The following ALOX5AP variants were observed in gnomAD, a reference collection of about 807,000 sequenced individuals.
ALOX5AP encodes arachidonate 5-lipoxygenase-activating protein.
A neutral mutation model predicts 18.5 loss-of-function variants in ALOX5AP; 9 were observed. That is an observed-to-expected ratio of 0.49 (90% CI 0.29 to 0.85). ALOX5AP has a LOEUF of 0.85. Among genes scored for constraint, ALOX5AP ranks in the 40% least tolerant of loss-of-function variants. The probability of loss-of-function intolerance (pLI) is 0.08; values close to 1 mark genes in which losing one functional copy is unlikely to be tolerated. For synonymous variants in ALOX5AP, 81 were observed against 78.6 expected (o/e 1.03, Z -0.16); for missense variants, 172 against 202.5 (o/e 0.85, Z 0.91).
At position 30,718,167 on chromosome 13, in the gene ALOX5AP, C is replaced by T. The variant is rs188264337; in HGVS notation, c.116+4326C>T. Among the ~76,000 whole-genome samples, 367 of 151,832 alleles carry T rather than the reference C, an allele frequency of 2.4e-3. 1 individual carries two copies. Among genetic ancestry groups the T allele is most frequent in the African/African-American group, 8.4e-3 (350 of 41,444 alleles). On this transcript the variant is annotated intron_variant, in intron 1 of 5. Coordinates refer to the ALOX5AP transcript ENST00000617770. ...AGAGACAGGGTTTCTCCATGTTGGT[C>T]AGGCTGGTCTCAAACTCCTGACCTC...
chr13:30,756,174 CT>C lies in ALOX5AP; in HGVS notation c.323+151del, dbSNP rs1412384903. ...GGAAGGCTGACTAGGACCTCTGATT[CT>C]TCTTTCCCTGAGCTTTGAAGGCTCT... On this transcript the variant is annotated intron_variant, in intron 4 of 4. Transcript: ENST00000380490. The C allele has an allele frequency of 1.5e-5, 10 of 679,750 alleles. No individual in the cohort carries two copies. In the East Asian group the frequency reaches 2.5e-4, roughly 17 times the overall value. The allele number at this position is 679,750 out of a possible 1,614,324, so 42.1% of individuals were successfully genotyped here. A position where few individuals can be genotyped will look rare whatever the true frequency, so the allele number is the denominator to read the frequency against.
At position 30,735,665 on chromosome 13, in the gene ALOX5AP, G is replaced by T. The variant is rs1373878415; in HGVS notation, c.60G>T (p.Val20=). 1.9e-6 allele frequency: 3 copies of T among 1,614,022 alleles called. No individual in the cohort carries two copies. Among genetic ancestry groups the T allele is most frequent in the Non-Finnish European group, 2.5e-6 (3 of 1,180,034 alleles). The change falls in exon 1 of 5, where the codon GTG becomes GTT. Residue 20 remains valine, a synonymous_variant. Coordinates refer to ENST00000380490, the MANE Select transcript of ALOX5AP (RefSeq NM_001629.4). ...TGGCCATCGTCACCCTCATCAGCGTGGTCCAGAATGGTAAGGAAAGCCCTT... is the reference window on the plus strand; with the variant it reads ...TGGCCATCGTCACCCTCATCAGCGTTGTCCAGAATGGTAAGGAAAGCCCTT... ...VLLAIVTLIS[V]VQNGFFAHKV...
chr13:30,723,957 C>A (rs191360997), intron 1 of ALOX5AP, among the ~76,000 whole-genome samples: 1 of 152,154 alleles, frequency 6.6e-6, no homozygotes, highest in Non-Finnish European at 1.5e-5. Context: ...AAGTTACATA[C>A]CATAAAAGTA....
exon 1 of ALOX5AP, chr13:30,713,788 T>G: frequency 6.5e-7 from 1 of 1,535,718 alleles, no homozygotes; most frequent in South Asian, 1.2e-5. Context: ...CTTCTGAATT[T>G]GGGAAATCCT....
Position 30,764,273 on chromosome 13 carries a change from C to A in ALOX5AP, c.*167C>A, listed in dbSNP as rs1181704667. On this transcript the variant is annotated 3_prime_UTR_variant, in exon 5 of 5. Coordinates refer to ENST00000380490, the MANE Select transcript of ALOX5AP (RefSeq NM_001629.4). The stretch of plus-strand genomic sequence containing the variant: ...TGCTTTTCCGGGAACAAAATGATGT[C>A]ATGTCAGCTCCGCCCCTTGAACATG... 2 of 700,008 alleles carry A rather than the reference C, an allele frequency of 2.9e-6. No homozygotes were observed. Among genetic ancestry groups the A allele is most frequent in the Non-Finnish European group, 4.5e-6 (2 of 445,618 alleles). The allele number at this position is 700,008 out of a possible 1,614,324, so 43.4% of individuals were successfully genotyped here.
At chr13:30,739,922 C>T (rs567582997) in intron 1 of ALOX5AP, among the ~76,000 whole-genome samples, 1 of 152,320 alleles carries the variant, frequency 6.6e-6, no homozygotes, top group South Asian at 2.1e-4. Flanking sequence ...TCAAGAAGTT[C>T]TTTCTTATGT....
upstream of ALOX5AP, chr13:30,735,463 A>G (rs1311644221): frequency 4.4e-6 from 6 of 1,351,144 alleles, no homozygotes; most frequent in African/African-American, 3.0e-5. Flanking sequence ...AAAAAAAGGA[A>G]GAAGAAGGCA....
At chr13:30,760,218 C>A (rs1220944717) in intron 4 of ALOX5AP, among the ~76,000 whole-genome samples, 1 of 151,000 alleles carries the variant, frequency 6.6e-6, no homozygotes, top group Admixed American at 6.6e-5. Flanking sequence ...TTTTCTGTTC[C>A]TACCTCGTAT....
chr13:30,722,945 G>C (rs1011477110), intron 1 of ALOX5AP, among the ~76,000 whole-genome samples: 5 of 152,188 alleles, frequency 3.3e-5, no homozygotes, highest in Admixed American at 6.5e-5. Flanking sequence ...ACCAGAAGCA[G>C]ATGTTGGTTC....
intron 4 of ALOX5AP, among the ~76,000 whole-genome samples, chr13:30,758,840 A>T (rs538917402): frequency 2.0e-4 from 30 of 150,224 alleles, no homozygotes; most frequent in African/African-American, 7.1e-4. Flanking sequence ...CACCTTACAT[A>T]GTCTTGCTCT....
chr13:30,723,074 A>C (rs572456488), intron 1 of ALOX5AP, among the ~76,000 whole-genome samples: 3 of 152,344 alleles, frequency 2.0e-5, no homozygotes, highest in Admixed American at 1.3e-4. Context: ...TTCTAATGCT[A>C]TGGTTCCTTT....
chr13:30,717,432 T>A (rs1280790373), intron 1 of ALOX5AP, among the ~76,000 whole-genome samples: 6 of 152,168 alleles, frequency 3.9e-5, no homozygotes, highest in Non-Finnish European at 8.8e-5. Context: ...TAGTGTCAGA[T>A]CCTCAAGCCT....
intron 1 of ALOX5AP, among the ~76,000 whole-genome samples, chr13:30,724,644 C>T (rs552203350): frequency 6.6e-6 from 1 of 152,170 alleles, no homozygotes; most frequent in Non-Finnish European, 1.5e-5. Context: ...GATAACTATT[C>T]GCCTTTTGAG....
intron 1 of ALOX5AP, among the ~76,000 whole-genome samples, chr13:30,729,576 ATTTTT>A (rs10655622): frequency 1.5e-5 from 2 of 137,628 alleles, no homozygotes; most frequent in East Asian, 4.2e-4. Flanking sequence ...TCTAACCTGT[ATTTTT>A]TTTTTTTTTT....
At chr13:30,749,775 A>G (rs556087851) in intron 2 of ALOX5AP, among the ~76,000 whole-genome samples, 3 of 152,254 alleles carry the variant, frequency 2.0e-5, no homozygotes, top group Middle Eastern at 3.4e-3. Flanking sequence ...TAGGTTTCTC[A>G]TCTGTTACCT....
rs1951932722 is a variant in ALOX5AP, at chr13:30,760,475, C to T, written c.324-3469C>T. Among the ~76,000 whole-genome samples the T allele has an allele frequency of 3.9e-5, 6 of 152,226 alleles. No individual in the cohort carries two copies. The South Asian group carries it at 1.0e-3, about 26-fold the overall frequency. On this transcript the variant is annotated intron_variant, in intron 4 of 4. Transcript: ENST00000380490. Reference sequence around the variant, plus strand: ...GCCTCATCCTAGAAGTGGTTAGCACCTTTGAGATGGGAATTATTTAGCAGG... The same window carrying T: ...GCCTCATCCTAGAAGTGGTTAGCACTTTTGAGATGGGAATTATTTAGCAGG...
intron 2 of ALOX5AP, among the ~76,000 whole-genome samples, chr13:30,749,098 C>A (rs562396015): frequency 6.6e-6 from 1 of 152,300 alleles, no homozygotes; most frequent in Non-Finnish European, 1.5e-5. Context: ...CAGGAGGAAC[C>A]CATTTTCTTA....
upstream of ALOX5AP, among the ~76,000 whole-genome samples, chr13:30,732,301 G>A (rs1951687870): frequency 6.6e-6 from 1 of 152,192 alleles, no homozygotes; most frequent in African/African-American, 2.4e-5. Flanking sequence ...CACGGAGCCC[G>A]GAAGGTTTCC....
chr13:30,755,011 C>T (rs1951881602), intron 3 of ALOX5AP, among the ~76,000 whole-genome samples: 1 of 152,240 alleles, frequency 6.6e-6, no homozygotes, highest in African/African-American at 2.4e-5. Flanking sequence ...ACACTAGTTC[C>T]AGCTTAGTTA....
Sources: gnomAD v4.1 joint callset for allele counts (sites outside exome capture counted in the v4.1 genomes callset) on GRCh38, gnomAD v4.1.1 for gene constraint, MANE v1.5 for transcripts, NCBI Gene and HGNC (gene_info 2026-07-23, HGNC 2026-07-21) for gene names.